Variants in DSCAM observed in about 807,000 individuals in gnomAD.
DSCAM encodes the protein DS cell adhesion molecule.
DSCAM carries 47 observed loss-of-function variants against 217.7 expected under a neutral mutation model. The observed-to-expected ratio is 0.22, with a 90% CI of 0.17 to 0.28. DSCAM has a LOEUF of 0.28. Ranked by LOEUF, DSCAM falls within the 10% of genes least tolerant of loss-of-function variation. DSCAM has a pLI of 1.00. For missense variants in DSCAM, 2,080 were observed against 2,618.3 expected (o/e 0.79, Z 4.49); for synonymous variants, 1,056 against 1,015.3 (o/e 1.04, Z -0.76).
At chr21:40,494,053 G>A (rs2076098152) in intron 3 of DSCAM, among the ~76,000 whole-genome samples, 1 of 151,640 alleles carries the variant, frequency 6.6e-6, no homozygotes, top group Non-Finnish European at 1.5e-5. Flanking sequence ...GACACACAAA[G>A]ATAAAAAGTA....
At chr21:40,311,973 C>T (rs1382489352) in intron 9 of DSCAM, 108 bp downstream of exon 9, 11 of 184,710 alleles carry the variant, frequency 6.0e-5, no homozygotes, top group Non-Finnish European at 1.0e-4. Flanking sequence ...TGAGATAAAA[C>T]TGAATTTCTA....
At chr21:40,443,857 A>C (rs1020161145) in intron 3 of DSCAM, among the ~76,000 whole-genome samples, 1 of 152,208 alleles carries the variant, frequency 6.6e-6, no homozygotes, top group Admixed American at 6.5e-5. Context: ...GCAGCTCTAC[A>C]TCATATTTGT....
intron 3 of DSCAM, among the ~76,000 whole-genome samples, chr21:40,496,948 C>T (rs191115784): frequency 6.6e-6 from 1 of 152,230 alleles, no homozygotes; most frequent in East Asian, 1.9e-4. Flanking sequence ...GAGATGTCAC[C>T]TCACACTTAT....
chr21:40,271,240 G>A (rs1024940917), intron 11 of DSCAM, among the ~76,000 whole-genome samples: 4 of 152,144 alleles, frequency 2.6e-5, no homozygotes, highest in Non-Finnish European at 5.9e-5. Context: ...TAGAGCCCAC[G>A]GGCTAACTTT....
intron 4 of DSCAM, among the ~76,000 whole-genome samples, chr21:40,367,038 T>C (rs558196436): frequency 2.0e-5 from 3 of 152,272 alleles, no homozygotes; most frequent in Admixed American, 6.5e-5. Context: ...GAGTCTCTGT[T>C]CTTCTGAAAG....
intron 26 of DSCAM, among the ~76,000 whole-genome samples, chr21:40,077,051 A>G (rs939094934): frequency 3.9e-5 from 6 of 152,180 alleles, no homozygotes; most frequent in African/African-American, 1.4e-4. Flanking sequence ...ACACCTTTGA[A>G]TGAAGTCACT....
At chr21:40,228,243 A>C (rs1431969933) in intron 11 of DSCAM, among the ~76,000 whole-genome samples, 2 of 152,128 alleles carry the variant, frequency 1.3e-5, no homozygotes, top group Admixed American at 1.3e-4. Flanking sequence ...CTCCACTGGA[A>C]AGCTTCTCTT....
At chr21:40,033,125 T>G (rs570229193) in intron 32 of DSCAM, among the ~76,000 whole-genome samples, 72 of 152,344 alleles carry the variant, frequency 4.7e-4, no homozygotes, top group African/African-American at 1.5e-3. Context: ...AGGGCTCTTT[T>G]AGGCTTCAAG....
intron 1 of DSCAM, among the ~76,000 whole-genome samples, chr21:40,802,896 T>C (rs968353317): frequency 2.6e-5 from 4 of 152,192 alleles, no homozygotes; most frequent in Admixed American, 2.6e-4. Flanking sequence ...GAAAGCAGAC[T>C]AATACAGACA....
In DSCAM at chr21:40,617,488, C is replaced by CCT. The variant is rs948212918; in HGVS notation, c.508+75320_508+75321dup. Among the ~76,000 whole-genome samples, 27 of 152,276 alleles carry CCT rather than the reference C, an allele frequency of 1.8e-4. 1 individual carries two copies. The highest frequency in any genetic ancestry group is 6.5e-4 in the African/African-American group (27 of 41,558). On this transcript the variant is annotated intron_variant, in intron 3 of 32. Transcript: ENST00000400454. ...GAACACCAGAGGCCACAATCTACCCCCTCCCAGCTCCTTCTAGGACCCGAG... is the reference window on the plus strand; with the variant it reads ...GAACACCAGAGGCCACAATCTACCCCCTCTCCCAGCTCCTTCTAGGACCCGAG...
intron 11 of DSCAM, among the ~76,000 whole-genome samples, chr21:40,239,432 T>G (rs539453954): frequency 1.3e-5 from 2 of 152,220 alleles, no homozygotes; most frequent in Admixed American, 1.3e-4. Flanking sequence ...AGTTAATCAC[T>G]TTACTGTGCA....
intron 32 of DSCAM, among the ~76,000 whole-genome samples, chr21:40,022,267 A>G (rs2088286177): frequency 6.6e-6 from 1 of 152,154 alleles, no homozygotes; most frequent in Non-Finnish European, 1.5e-5. Flanking sequence ...GGGGAGGGTG[A>G]CACTATTGAT....
rs57247032 is a variant in DSCAM at position 40,424,988 on chromosome 21, T to C, written c.509-55743A>G. On this transcript the variant is annotated intron_variant, in intron 3 of 32. Coordinates refer to ENST00000400454, the MANE Select transcript of DSCAM (RefSeq NM_001389.5). ...GGATGGGTGCCTGTAATCCCAGCTA[T>C]TCTGGAGGCTGAGGCACAAGGATTG... Among the ~76,000 whole-genome samples the C allele has an allele frequency of 9.4e-3, 1,429 of 152,032 alleles. 23 individuals are homozygous for C. Among genetic ancestry groups the C allele is most frequent in the African/African-American group, 0.031 (1,299 of 41,462 alleles).
chr21:40,516,608 G>A (rs1263921136), intron 3 of DSCAM, among the ~76,000 whole-genome samples: 1 of 152,102 alleles, frequency 6.6e-6, no homozygotes, highest in Non-Finnish European at 1.5e-5. Context: ...CAATGTACCT[G>A]CAGAATGTGA....
At chr21:40,094,288 C>A (rs2089649341) in intron 20 of DSCAM, among the ~76,000 whole-genome samples, 1 of 152,042 alleles carries the variant, frequency 6.6e-6, no homozygotes, top group Admixed American at 6.6e-5. Context: ...TGAAGAAAAC[C>A]CCACAATCGC....
At chr21:40,206,428 A>AG (rs1055562383) in intron 11 of DSCAM, among the ~76,000 whole-genome samples, 6 of 151,850 alleles carry the variant, frequency 4.0e-5, no homozygotes, top group Non-Finnish European at 8.8e-5. Context: ...CAGTGGGTCT[A>AG]GGGGGGACTC....
chr21:40,665,592 C>T (rs1440541777), intron 3 of DSCAM, among the ~76,000 whole-genome samples: 1 of 152,158 alleles, frequency 6.6e-6, no homozygotes, highest in African/African-American at 2.4e-5. Flanking sequence ...GCCCCCACTC[C>T]TGTTGTTCAT....
chr21:40,610,257 C>T (rs573234312), intron 3 of DSCAM, among the ~76,000 whole-genome samples: 35 of 152,354 alleles, frequency 2.3e-4, no homozygotes, highest in Admixed American at 1.6e-3. Flanking sequence ...GCTGCCCTGA[C>T]GGCCACTCGG....
intron 1 of DSCAM, among the ~76,000 whole-genome samples, chr21:40,805,538 T>C (rs9976842): frequency 0.9 from 137,181 of 152,084 alleles, 61,970 homozygotes; most frequent in African/African-American, 0.94. Flanking sequence ...AACCAAAGTT[T>C]CCTTCCCCTT....
Sources: gnomAD v4.1 joint callset for allele counts (sites outside exome capture counted in the v4.1 genomes callset) on GRCh38, gnomAD v4.1.1 for gene constraint, MANE v1.5 for transcripts, NCBI Gene and HGNC (gene_info 2026-07-23, HGNC 2026-07-21) for gene names.